The following CBLB variants were observed in gnomAD, a reference collection of about 807,000 sequenced individuals.
CBLB encodes the protein E3 ubiquitin-protein ligase CBL-B.
CBLB carries 31 observed loss-of-function variants against 104.9 expected under a neutral mutation model. The observed-to-expected ratio is 0.30, with a 90% confidence interval of 0.22 to 0.40. The LOEUF is 0.40. Ranked by LOEUF, CBLB falls within the 10% of genes least tolerant of loss-of-function variation. The pLI is 1.00. For missense variants in CBLB, 1,062 were observed against 1,214.6 expected, an observed-to-expected ratio of 0.87 and a Z score of 1.87; for synonymous variants, 440 against 422.6, an observed-to-expected ratio of 1.04 and a Z score of -0.51.
At chr3:105,713,318 C>T (rs2071377579) in intron 10 of CBLB, among the ~76,000 whole-genome samples, 1 of 151,320 alleles carries the variant, frequency 6.6e-6, no homozygotes, top group African/African-American at 2.4e-5. Context: ...AAGATGAGCC[C>T]AGGCAGTTTC....
chr3:105,722,032 A>G (rs1246778047), intron 9 of CBLB, among the ~76,000 whole-genome samples: 5 of 151,900 alleles, frequency 3.3e-5, no homozygotes, highest in African/African-American at 1.2e-4. Flanking sequence ...GTCTCTATAA[A>G]AAATAAATGT....
upstream of CBLB, chr3:105,869,259 G>C (rs1038855341): frequency 5.3e-6 from 4 of 750,394 alleles, no homozygotes; most frequent in East Asian, 1.4e-4. Context: ...AGAAATGAGG[G>C]GCCTGGACTC....
At chr3:105,698,746 G>GT (rs1301174170) in intron 12 of CBLB, among the ~76,000 whole-genome samples, 2 of 151,876 alleles carry the variant, frequency 1.3e-5, no homozygotes, top group African/African-American at 2.4e-5. Context: ...GCACTATTAG[G>GT]TATGAAGGGT....
intron 10 of CBLB, among the ~76,000 whole-genome samples, chr3:105,707,210 T>C (rs982698068): frequency 6.6e-6 from 1 of 152,220 alleles, no homozygotes. Context: ...GCAGGCTCTC[T>C]GAAGCTTTGT....
chr3:105,838,443 T>A (rs2088964171), intron 3 of CBLB, among the ~76,000 whole-genome samples: 2 of 151,844 alleles, frequency 1.3e-5, no homozygotes, highest in Non-Finnish European at 2.9e-5. Flanking sequence ...AGAGCCAAGA[T>A]GGGCATGGGG....
chr3:105,808,871 A>T (rs2083877416), intron 3 of CBLB, among the ~76,000 whole-genome samples: 1 of 152,198 alleles, frequency 6.6e-6, no homozygotes, highest in South Asian at 2.1e-4. Flanking sequence ...TATATTCAAA[A>T]ATAGGAGCAC....
In CBLB at chr3:105,657,116, T is replaced by C; in HGVS notation, c.*1854A>G. On this transcript the variant is annotated 3_prime_UTR_variant, in exon 19 of 19. Coordinates refer to ENST00000394030, the MANE Select transcript of CBLB (RefSeq NM_170662.5). ...ATTACCCAAGGCCTGTGAGTCCTCA[T>C]CTCATACCATGAAAGCCAGACTGTC... 1 of 226,280 alleles carries C rather than the reference T, an allele frequency of 4.4e-6. No homozygotes were observed. The allele number at this position is 226,280 out of a possible 1,614,324, so 14.0% of individuals were successfully genotyped here.
chr3:105,741,793 A>G (rs1023649981), intron 6 of CBLB, among the ~76,000 whole-genome samples: 4 of 152,214 alleles, frequency 2.6e-5, no homozygotes, highest in African/African-American at 7.2e-5. Flanking sequence ...TGCTGGGATT[A>G]CAGGCGTGAG....
At chr3:105,694,805 T>C (rs1293253064) in intron 12 of CBLB, among the ~76,000 whole-genome samples, 1 of 151,846 alleles carries the variant, frequency 6.6e-6, no homozygotes, top group East Asian at 1.9e-4. Flanking sequence ...CAATATACTG[T>C]AGCCATACCA....
chr3:105,808,786 C>T (rs1429689880), intron 3 of CBLB, among the ~76,000 whole-genome samples: 1 of 151,976 alleles, frequency 6.6e-6, no homozygotes, highest in Admixed American at 6.6e-5. Flanking sequence ...TTTATAGAAA[C>T]CAGTTATAGA....
chr3:105,807,363 G>A (rs1428012799), intron 3 of CBLB, among the ~76,000 whole-genome samples: 1 of 152,146 alleles, frequency 6.6e-6, no homozygotes. Flanking sequence ...TCGTGAACAG[G>A]TTGGGCAACA....
intron 3 of CBLB, among the ~76,000 whole-genome samples, chr3:105,815,731 T>C (rs1340680744): frequency 1.3e-5 from 2 of 152,158 alleles, no homozygotes; most frequent in East Asian, 1.9e-4. Context: ...CATTCTACTA[T>C]AAAGACACAT....
intron 3 of CBLB, among the ~76,000 whole-genome samples, chr3:105,828,458 A>T (rs556923558): frequency 1.1e-4 from 17 of 152,220 alleles, no homozygotes; most frequent in Admixed American, 1.0e-3. Context: ...GGACTAAACT[A>T]AGTTAGAATA....
chr3:105,779,030 T>C (rs2079819287), intron 3 of CBLB, among the ~76,000 whole-genome samples: 1 of 152,212 alleles, frequency 6.6e-6, no homozygotes, highest in Admixed American at 6.5e-5. Context: ...TTTACCAAAC[T>C]TCCAATTGAT....
chr3:105,703,448 T>C (rs2069569017), intron 11 of CBLB, among the ~76,000 whole-genome samples: 1 of 152,158 alleles, frequency 6.6e-6, no homozygotes, highest in Non-Finnish European at 1.5e-5. Flanking sequence ...AACTGTAGAG[T>C]AAAAATTATG....
rs373114262 is a variant in CBLB at position 105,737,130 on chromosome 3, G to A, written c.1071+41C>T. 9 of 1,013,896 alleles carry A rather than the reference G, an allele frequency of 8.9e-6. No homozygotes were observed. In the African/African-American group the frequency reaches 1.3e-4, roughly 14 times the overall value. 62.8% of individuals were successfully genotyped at this position (1,013,896 alleles called of 1,614,324 possible). A position where few individuals can be genotyped will look rare whatever the true frequency, so the allele number is the denominator to read the frequency against. ...GTCTTATTTATTTCAAGGGCATTAT[G>A]GATACTTATTTAATTATACTTTTCT... On this transcript the variant is annotated intron_variant, in intron 8 of 18. Coordinates refer to ENST00000394030, the MANE Select transcript of CBLB (RefSeq NM_170662.5).
At position 105,720,262 on chromosome 3, in the gene CBLB, G is replaced by GA. The variant is rs1298571805; in HGVS notation, c.1204-13dup. 9 of 1,601,396 alleles carry GA rather than the reference G, an allele frequency of 5.6e-6. No individual in the cohort carries two copies. The highest frequency in any genetic ancestry group is 7.7e-6 in the Non-Finnish European group (9 of 1,170,996). On this transcript the variant is annotated splice_polypyrimidine_tract_variant and intron_variant, in intron 9 of 18. Coordinates refer to ENST00000394030, the MANE Select transcript of CBLB (RefSeq NM_170662.5). ...TGACCATCCGACTCCTAAACAAATA[G>GA]AAAATGCATGGATTGGTTTTGTTCA...
chr3:105,827,149 T>C (rs753473540), intron 3 of CBLB, among the ~76,000 whole-genome samples: 3 of 151,956 alleles, frequency 2.0e-5, no homozygotes, highest in Non-Finnish European at 2.9e-5. Context: ...CTGGCAAAGG[T>C]AGGGTATTTC....
chr3:105,839,681 C>T (rs2089241996), intron 3 of CBLB, among the ~76,000 whole-genome samples: 1 of 152,148 alleles, frequency 6.6e-6, no homozygotes, highest in African/African-American at 2.4e-5. Context: ...TAGCCACAGA[C>T]AGTAAGTAAA....
Sources: gnomAD v4.1 joint callset for allele counts (sites outside exome capture counted in the v4.1 genomes callset) on GRCh38, gnomAD v4.1.1 for gene constraint, MANE v1.5 for transcripts, NCBI Gene and HGNC (gene_info 2026-07-23, HGNC 2026-07-21) for gene names.